CTNNA3: variants seen among roughly 807,000 people sequenced by gnomAD.
CTNNA3 encodes the protein catenin alpha 3.
CTNNA3 carries 76 observed loss-of-function variants against 95.7 expected under a neutral mutation model. The observed-to-expected ratio is 0.79, with a 90% confidence interval of 0.66 to 0.96. The LOEUF (loss-of-function observed/expected upper bound fraction) is 0.96. Among genes scored for constraint, CTNNA3 ranks in the 40% least tolerant of loss-of-function variants. The pLI, the probability that CTNNA3 is intolerant of heterozygous loss-of-function variation, is 0.00. For synonymous variants in CTNNA3, 431 were observed against 374.4 expected, an observed-to-expected ratio of 1.15 and a Z score of -1.74; for missense variants, 1,191 against 1,089.8, an observed-to-expected ratio of 1.09 and a Z score of -1.31.
intron 7 of CTNNA3, among the ~76,000 whole-genome samples, chr10:66,791,391 C>T (rs1035341012): frequency 6.6e-6 from 1 of 152,182 alleles, no homozygotes; most frequent in Non-Finnish European, 1.5e-5. Flanking sequence ...CCTTCTTCTC[C>T]ACAGGGCTCT....
intron 5 of CTNNA3, among the ~76,000 whole-genome samples, chr10:67,510,447 C>A (rs1390459590): frequency 6.6e-6 from 1 of 151,150 alleles, no homozygotes; most frequent in African/African-American, 2.4e-5. Context: ...AATAGGGAAT[C>A]CTTTCTTCAC....
rs559690519 is a variant in CTNNA3 at position 66,418,506 on chromosome 10, C to T, written c.1532-39154G>A. ...AAAATTGTAGGGGACTGATTTCTTC[C>T]TAACATATTCTATAAAGCCGGTATC... On this transcript the variant is annotated intron_variant, in intron 11 of 17. Transcript: ENST00000433211. 4.6e-5 allele frequency among the ~76,000 whole-genome samples: 7 copies of T among 150,760 alleles called. No homozygotes were observed. In the South Asian group the frequency reaches 8.4e-4, roughly 18 times the overall value.
At chr10:66,432,805 G>T (rs1404675118) in intron 11 of CTNNA3, among the ~76,000 whole-genome samples, 1 of 151,720 alleles carries the variant, frequency 6.6e-6, no homozygotes, top group Non-Finnish European at 1.5e-5. Flanking sequence ...CCCTACCCTT[G>T]CCCCCAACCC....
intron 5 of CTNNA3, among the ~76,000 whole-genome samples, chr10:67,292,083 C>CCTTT (rs1839858201): frequency 6.6e-6 from 1 of 152,158 alleles, no homozygotes; most frequent in African/African-American, 2.4e-5. Context: ...TCTGAGCATG[C>CCTTT]CTTTCTTCCT....
At chr10:66,421,875 C>A (rs2093196946) in intron 11 of CTNNA3, among the ~76,000 whole-genome samples, 1 of 93,260 alleles carries the variant, frequency 1.1e-5, no homozygotes, top group Non-Finnish European at 2.3e-5. Context: ...TTTTAAATTT[C>A]TAAGAGCTTC....
Position 66,351,179 on chromosome 10 carries a change from T to G in CTNNA3, c.1732+27973A>C, listed in dbSNP as rs114209051. 9.0e-3 allele frequency among the ~76,000 whole-genome samples: 1,373 copies of G among 152,122 alleles called. 20 individuals are homozygous for G. The highest frequency in any genetic ancestry group is 0.03 in the African/African-American group (1,252 of 41,550). On this transcript the variant is annotated intron_variant, in intron 12 of 17. Coordinates refer to ENST00000433211, the MANE Select transcript of CTNNA3 (RefSeq NM_013266.4). ...CTGCTTCAGGGCACACATCTAAAAA[T>G]TAATCTTTCTGAGGATACAGTAATC...
At position 65,917,090 on chromosome 10, in the gene CTNNA3, C is replaced by A. The variant is rs940738908; in HGVS notation, c.*3240G>T. ...CTGTGTAGCTATGGAGGACCTTATTCCCTGTACATAAGAGATTTTTATGGG... is the reference window on the plus strand; with the variant it reads ...CTGTGTAGCTATGGAGGACCTTATTACCTGTACATAAGAGATTTTTATGGG... On this transcript the variant is annotated 3_prime_UTR_variant, in exon 18 of 18. Coordinates refer to ENST00000433211, the MANE Select transcript of CTNNA3 (RefSeq NM_013266.4). 6.6e-6 allele frequency: 1 copy of A among 152,084 alleles called. No homozygotes were observed. The highest frequency in any genetic ancestry group is 1.5e-5 in the Non-Finnish European group (1 of 68,014). 9.4% of individuals were successfully genotyped at this position (152,084 alleles called of 1,614,324 possible). A position where few individuals can be genotyped will look rare whatever the true frequency, so the allele number is the denominator to read the frequency against.
chr10:67,720,451 G>A (rs975836062), intron 1 of CTNNA3, among the ~76,000 whole-genome samples: 1 of 151,664 alleles, frequency 6.6e-6, no homozygotes, highest in Non-Finnish European at 1.5e-5. Context: ...TCATAATGTC[G>A]ATGGCCTTTA....
chr10:66,852,074 T>A (rs1262010375), intron 7 of CTNNA3, among the ~76,000 whole-genome samples: 1 of 152,076 alleles, frequency 6.6e-6, no homozygotes, highest in Non-Finnish European at 1.5e-5. Context: ...ACGATAAAGG[T>A]CAAATGATTC....
At chr10:66,999,735 T>C (rs1851569077) in intron 7 of CTNNA3, among the ~76,000 whole-genome samples, 1 of 152,180 alleles carries the variant, frequency 6.6e-6, no homozygotes, top group African/African-American at 2.4e-5. Flanking sequence ...AAAAAACAAT[T>C]GGCAATTTTA....
rs577673617 is a variant in CTNNA3, at chr10:67,331,430, C to A, written c.580-111560G>T. On this transcript the variant is annotated intron_variant, in intron 5 of 17. Transcript: ENST00000433211. ...CAAAGACAAAACAATTCATTTAAGG[C>A]TATTTAGAAGCATATTTTTTTATTT... Among the ~76,000 whole-genome samples the A allele has an allele frequency of 3.3e-5, 5 of 151,520 alleles. No individual in the cohort carries two copies. The South Asian group carries it at 1.0e-3, about 32-fold the overall frequency.
intron 10 of CTNNA3, among the ~76,000 whole-genome samples, chr10:66,618,530 C>T (rs1373732493): frequency 6.6e-6 from 1 of 152,198 alleles, no homozygotes; most frequent in South Asian, 2.1e-4. Context: ...AAACTGGATC[C>T]CTTCCTTACA....
At chr10:66,732,284 CCTCT>C (rs531600095) in intron 9 of CTNNA3, among the ~76,000 whole-genome samples, 286 of 152,036 alleles carry the variant, frequency 1.9e-3, no homozygotes, top group African/African-American at 6.8e-3. Context: ...AAAATCTAGA[CCTCT>C]CTCTCTCTGT....
intron 13 of CTNNA3, among the ~76,000 whole-genome samples, chr10:66,208,779 C>T (rs762272248): frequency 3.3e-5 from 5 of 151,974 alleles, no homozygotes; most frequent in African/African-American, 4.8e-5. Context: ...CAGCCCTCAG[C>T]CGCAGATATA....
At chr10:66,309,506 C>T (rs2091978090) in intron 12 of CTNNA3, among the ~76,000 whole-genome samples, 1 of 150,880 alleles carries the variant, frequency 6.6e-6, no homozygotes. Context: ...TCCTGGCTAA[C>T]ACTGTGAAAC....
rs2077010494 is a variant in CTNNA3, at chr10:65,916,567, T to G, written c.*3763A>C. Reference sequence around the variant, plus strand: ...CAGAAATGAACATTTGATACCAAAATTTAAGAATGTTTTGGGGAATAGAAA... The same window carrying G: ...CAGAAATGAACATTTGATACCAAAAGTTAAGAATGTTTTGGGGAATAGAAA... On this transcript the variant is annotated 3_prime_UTR_variant, in exon 18 of 18. Coordinates refer to ENST00000433211, the MANE Select transcript of CTNNA3 (RefSeq NM_013266.4). 2 of 152,110 alleles carry G rather than the reference T, an allele frequency of 1.3e-5. No homozygotes were observed. The highest frequency in any genetic ancestry group is 1.3e-4 in the Admixed American group (2 of 15,262). 9.4% of individuals were successfully genotyped at this position (152,110 alleles called of 1,614,324 possible). A position where few individuals can be genotyped will look rare whatever the true frequency, so the allele number is the denominator to read the frequency against.
At chr10:67,422,515 A>C (rs1270891782) in intron 5 of CTNNA3, among the ~76,000 whole-genome samples, 5 of 152,116 alleles carry the variant, frequency 3.3e-5, no homozygotes, top group Non-Finnish European at 1.5e-5. Context: ...GTTACCCCAG[A>C]TATAGCTTAG....
intron 5 of CTNNA3, among the ~76,000 whole-genome samples, chr10:67,249,414 A>G (rs1037402557): frequency 6.6e-6 from 1 of 152,172 alleles, no homozygotes; most frequent in Non-Finnish European, 1.5e-5. Flanking sequence ...CATACATCAC[A>G]TCCTATCATA....
At chr10:66,723,901 G>A (rs1005215463) in intron 9 of CTNNA3, among the ~76,000 whole-genome samples, 4 of 152,240 alleles carry the variant, frequency 2.6e-5, no homozygotes, top group East Asian at 1.9e-4. Flanking sequence ...ATTTTCAGAG[G>A]AGTCTCATAA....
Sources: gnomAD v4.1 joint callset for allele counts (sites outside exome capture counted in the v4.1 genomes callset) on GRCh38, gnomAD v4.1.1 for gene constraint, MANE v1.5 for transcripts, NCBI Gene and HGNC (gene_info 2026-07-23, HGNC 2026-07-21) for gene names.